ZNF487: variants seen among roughly 807,000 people sequenced by gnomAD.
ZNF487 encodes zinc finger protein 487, also known as KRAB domain only 1.
In ZNF487, 4 loss-of-function variants were observed where a neutral mutation model predicts 3.0. That is an observed-to-expected ratio of 1.35 (90% CI 0.66 to 3.08). The LOEUF is 3.08. ZNF487 is among the 30% of genes most tolerant of loss of function. The pLI is 0.01. For missense variants in ZNF487, 146 were observed against 98.7 expected (o/e 1.48, Z -2.03); for synonymous variants, 55 against 34.6 (o/e 1.59, Z -2.06).
intron 1 of ZNF487, among the ~76,000 whole-genome samples, chr10:43,462,142 A>AATT (rs1254926722): frequency 3.7e-4 from 56 of 152,008 alleles, no homozygotes; most frequent in African/African-American, 1.3e-3. Flanking sequence ...TTATCTAGTG[A>AATT]ATTACTCTTT....
At chr10:43,507,808 T>A in the ZNF487 span, among the ~76,000 whole-genome samples, 1 of 152,198 alleles carries the variant, frequency 6.6e-6, no homozygotes, top group Non-Finnish European at 1.5e-5. Flanking sequence ...GGTGGGCCAT[T>A]GGGCCCCTGA....
chr10:43,494,795 G>A, the ZNF487 span, among the ~76,000 whole-genome samples: 1 of 140,446 alleles, frequency 7.1e-6, no homozygotes, highest in Admixed American at 7.0e-5. Flanking sequence ...AAAAAAGCTG[G>A]GCATGGTAGT....
At chr10:43,444,150 G>T (rs1839720581) in intron 1 of ZNF487, among the ~76,000 whole-genome samples, 2 of 152,128 alleles carry the variant, frequency 1.3e-5, no homozygotes, top group Non-Finnish European at 1.5e-5. Flanking sequence ...ACCGCGCCCG[G>T]CTCCTAAAAG....
chr10:43,447,081 C>T (rs77993450), intron 1 of ZNF487, among the ~76,000 whole-genome samples: 11 of 151,698 alleles, frequency 7.3e-5, no homozygotes, highest in Non-Finnish European at 1.2e-4. Flanking sequence ...CCCAGGCACT[C>T]GGCAGGCTGA....
the ZNF487 span, among the ~76,000 whole-genome samples, chr10:43,510,204 A>C: frequency 1.3e-5 from 2 of 152,248 alleles, no homozygotes; most frequent in Non-Finnish European, 2.9e-5. Flanking sequence ...TCGTTTCTGC[A>C]GCTGGTCACA....
chr10:43,520,425 T>C, the ZNF487 span, among the ~76,000 whole-genome samples: 1 of 152,164 alleles, frequency 6.6e-6, no homozygotes, highest in Non-Finnish European at 1.5e-5. Flanking sequence ...AAGTTTAAGG[T>C]TTGTGTTTTG....
At chr10:43,467,870 A>C (rs1840764361) in intron 1 of ZNF487, among the ~76,000 whole-genome samples, 1 of 152,082 alleles carries the variant, frequency 6.6e-6, no homozygotes, top group Non-Finnish European at 1.5e-5. Flanking sequence ...TGGCATGGAT[A>C]GTGATCCCTC....
intron 1 of ZNF487, among the ~76,000 whole-genome samples, chr10:43,466,983 G>A (rs1056137173): frequency 2.7e-5 from 4 of 150,598 alleles, no homozygotes; most frequent in African/African-American, 9.8e-5. Flanking sequence ...TTCTCCTGCC[G>A]CAGCCTCCTC....
chr10:43,454,772 AATGC>A (rs1840115717), intron 1 of ZNF487: 1 of 152,068 alleles, frequency 6.6e-6, no homozygotes, highest in Non-Finnish European at 1.5e-5. Flanking sequence ...CCATGTCAAG[AATGC>A]ATTCTCTCTA....
chr10:43,437,146 C>A lies in ZNF487; in HGVS notation c.-210C>A. 1 of 290,444 alleles carries A rather than the reference C, an allele frequency of 3.4e-6. No homozygotes were observed. The highest frequency in any genetic ancestry group is 5.4e-5 in the Admixed American group (1 of 18,472). 18.0% of individuals were successfully genotyped at this position (290,444 alleles called of 1,614,324 possible). A position where few individuals can be genotyped will look rare whatever the true frequency, so the allele number is the denominator to read the frequency against. On this transcript the variant is annotated 5_prime_UTR_variant, in exon 1 of 4. It introduces an in-frame stop codon into an upstream open reading frame of the 5' UTR. Coordinates refer to ENST00000437590, the MANE Select transcript of ZNF487 (RefSeq NM_001355444.3). The stretch of plus-strand genomic sequence containing the variant: ...GCGGCAGTTTCCATGGTGAGATGGT[C>A]AACAAGCCTGTAAGTTCCTCAGCTA...
chr10:43,460,367 G>GT (rs1278725008), intron 1 of ZNF487, among the ~76,000 whole-genome samples: 10 of 140,584 alleles, frequency 7.1e-5, no homozygotes, highest in Admixed American at 2.8e-4. Context: ...AGAGTCTGTT[G>GT]TTTTCTTTCT....
intron 1 of ZNF487, among the ~76,000 whole-genome samples, chr10:43,446,924 G>C (rs1164492722): frequency 1.3e-5 from 2 of 152,168 alleles, no homozygotes; most frequent in African/African-American, 2.4e-5. Flanking sequence ...GAGTGAGCGA[G>C]ACTCTGTCTG....
the ZNF487 span, among the ~76,000 whole-genome samples, chr10:43,507,252 C>T: frequency 2.0e-5 from 3 of 152,188 alleles, no homozygotes; most frequent in Non-Finnish European, 4.4e-5. Flanking sequence ...TGAACCATCA[C>T]TGGCTACCTG....
intron 1 of ZNF487, among the ~76,000 whole-genome samples, chr10:43,451,033 C>T (rs192950305): frequency 9.2e-5 from 14 of 151,956 alleles, no homozygotes; most frequent in Middle Eastern, 3.4e-3. Context: ...CTGCAACCTC[C>T]ATCTCCCAGG....
rs1564428763 is a variant in ZNF487, at chr10:43,479,984, C to CTTTCTTTCT, written c.131-1443_131-1442insTCTTTCTTT. 1.9e-3 allele frequency among the ~76,000 whole-genome samples: 112 copies of CTTTCTTTCT among 57,890 alleles called. 4 individuals are homozygous for CTTTCTTTCT. Among genetic ancestry groups the CTTTCTTTCT allele is most frequent in the African/African-American group, 4.1e-3 (102 of 24,618 alleles). 38.0% of individuals were successfully genotyped at this position (57,890 alleles called of 152,430 possible). A position where few individuals can be genotyped will look rare whatever the true frequency, so the allele number is the denominator to read the frequency against. ...TTTCTTTCTTTCTTTTCTTTCTTTC[C>CTTTCTTTCT]TTCTTTCTTTCTTTCTTTCTTTCTT... On this transcript the variant is annotated intron_variant, in intron 3 of 3. Coordinates refer to ENST00000437590, the MANE Select transcript of ZNF487 (RefSeq NM_001355444.3).
rs147311074 is a variant in ZNF487 at position 43,481,724 on chromosome 10, T to C, written c.426T>C (p.Arg142=). The C allele has an allele frequency of 2.8e-6, 2 of 716,630 alleles. No homozygotes were observed. Among genetic ancestry groups the C allele is most frequent in the Non-Finnish European group, 5.2e-6 (2 of 384,922 alleles). 44.4% of individuals were successfully genotyped at this position (716,630 alleles called of 1,614,324 possible). A position where few individuals can be genotyped will look rare whatever the true frequency, so the allele number is the denominator to read the frequency against. Residue 142 remains arginine, a synonymous_variant, in exon 4 of 4, where the codon CGT becomes CGC. Transcript: ENST00000437590. ...VRGKFLLCMK[R]ENPYARGKPL... ...GGAAATTTCTCCTCTGTATGAAGCG[T>C]GAGAATCCTTATGCCAGAGGGAAAC...
chr10:43,443,766 C>T (rs1839704314), intron 1 of ZNF487, among the ~76,000 whole-genome samples: 1 of 151,922 alleles, frequency 6.6e-6, no homozygotes, highest in East Asian at 1.9e-4. Flanking sequence ...CAAGCAATTC[C>T]CCCCAACTCA....
At chr10:43,501,391 T>G in the ZNF487 span, among the ~76,000 whole-genome samples, 1 of 152,202 alleles carries the variant, frequency 6.6e-6, no homozygotes, top group Non-Finnish European at 1.5e-5. Context: ...AAAAATATTT[T>G]TCTTCAACAA....
the ZNF487 span, among the ~76,000 whole-genome samples, chr10:43,514,400 C>T: frequency 6.6e-6 from 1 of 152,186 alleles, no homozygotes; most frequent in Non-Finnish European, 1.5e-5. Context: ...CTTGGCCTCC[C>T]AAAGTGCTGG....
Sources: gnomAD v4.1 joint callset for allele counts (sites outside exome capture counted in the v4.1 genomes callset) on GRCh38, gnomAD v4.1.1 for gene constraint, MANE v1.5 for transcripts, NCBI Gene and HGNC (gene_info 2026-07-23, HGNC 2026-07-21) for gene names.